Variants in PDE7B observed in about 807,000 individuals in gnomAD.
PDE7B encodes phosphodiesterase 7B.
A neutral mutation model predicts 56.2 loss-of-function variants in PDE7B; 29 were observed. The ratio of observed to expected loss-of-function variants is 0.52; its 90% confidence interval spans 0.38 to 0.70. The LOEUF is 0.70. Ranked by LOEUF, PDE7B falls within the 30% of genes least tolerant of loss-of-function variation. PDE7B has a pLI of 0.00. For synonymous variants in PDE7B, 197 were observed against 196.9 expected (o/e 1.00, Z 0.00); for missense variants, 490 against 565.0 (o/e 0.87, Z 1.35).
chr6:136,024,133 A>G (rs1291464611), intron 2 of PDE7B, among the ~76,000 whole-genome samples: 1 of 152,202 alleles, frequency 6.6e-6, no homozygotes, highest in East Asian at 1.9e-4. Flanking sequence ...TTTAGGGAGA[A>G]ACTAATTGGA....
At chr6:135,880,655 G>T (rs902064773) in intron 1 of PDE7B, among the ~76,000 whole-genome samples, 1 of 152,206 alleles carries the variant, frequency 6.6e-6, no homozygotes, top group African/African-American at 2.4e-5. Flanking sequence ...AAGAAAAAGA[G>T]AATTTGGAGC....
chr6:136,154,649 A>G (rs951337877), intron 7 of PDE7B, among the ~76,000 whole-genome samples: 1 of 152,240 alleles, frequency 6.6e-6, no homozygotes, highest in Non-Finnish European at 1.5e-5. Flanking sequence ...TCAGGGCCCA[A>G]GAAAACTTGT....
intron 1 of PDE7B, among the ~76,000 whole-genome samples, chr6:135,924,520 A>G (rs149904822): frequency 1.7e-3 from 251 of 151,280 alleles, no homozygotes; most frequent in African/African-American, 5.4e-3. Context: ...AACCAAACTC[A>G]GGTCTTCTGG....
chr6:136,123,515 C>T (rs1274124512), intron 3 of PDE7B, among the ~76,000 whole-genome samples: 7 of 152,210 alleles, frequency 4.6e-5, no homozygotes, highest in Admixed American at 3.9e-4. Flanking sequence ...AAGGAAATGT[C>T]TTCAAAGATA....
At chr6:135,878,304 T>G (rs1003295910) in intron 1 of PDE7B, among the ~76,000 whole-genome samples, 3 of 152,168 alleles carry the variant, frequency 2.0e-5, no homozygotes, top group African/African-American at 7.2e-5. Context: ...GTGTTTATAG[T>G]GGGAAAGAGG....
intron 2 of PDE7B, among the ~76,000 whole-genome samples, chr6:136,077,416 T>C (rs1032790113): frequency 1.3e-5 from 2 of 152,160 alleles, no homozygotes; most frequent in African/African-American, 2.4e-5. Context: ...ATGAATGTGA[T>C]TTAACCCTAA....
chr6:135,884,428 T>C (rs1397178532), intron 1 of PDE7B, among the ~76,000 whole-genome samples: 1 of 152,204 alleles, frequency 6.6e-6, no homozygotes, highest in African/African-American at 2.4e-5. Flanking sequence ...TTTGTGCTCT[T>C]TTCAACCAGT....
intron 2 of PDE7B, among the ~76,000 whole-genome samples, chr6:136,053,741 G>T (rs1776676508): frequency 6.6e-6 from 1 of 152,012 alleles, no homozygotes. Flanking sequence ...ACTTTTTAAT[G>T]ATTGCCATTC....
At chr6:135,956,861 AAAG>A (rs1774804945) in intron 2 of PDE7B, among the ~76,000 whole-genome samples, 1 of 151,912 alleles carries the variant, frequency 6.6e-6, no homozygotes, top group Non-Finnish European at 1.5e-5. Context: ...AGAAGAAAAG[AAAG>A]AAAGCAAAGA....
intron 2 of PDE7B, among the ~76,000 whole-genome samples, chr6:136,074,742 T>G (rs1460387234): frequency 6.6e-6 from 1 of 152,232 alleles, no homozygotes; most frequent in Non-Finnish European, 1.5e-5. Context: ...TCCATATTGT[T>G]GCAAATGACT....
intron 1 of PDE7B, among the ~76,000 whole-genome samples, chr6:135,892,706 T>G (rs2128190359): frequency 6.6e-6 from 1 of 152,316 alleles, no homozygotes; most frequent in Non-Finnish European, 1.5e-5. Context: ...GAGTTGTTAC[T>G]TATTATGGGT....
At chr6:135,995,055 T>G (rs1462980557) in intron 2 of PDE7B, among the ~76,000 whole-genome samples, 1 of 152,200 alleles carries the variant, frequency 6.6e-6, no homozygotes, top group East Asian at 1.9e-4. Context: ...TGCTTCTTCA[T>G]GTCCCCTCCC....
chr6:135,903,259 A>T (rs1776037692), intron 1 of PDE7B, among the ~76,000 whole-genome samples: 1 of 152,164 alleles, frequency 6.6e-6, no homozygotes, highest in Non-Finnish European at 1.5e-5. Flanking sequence ...TGTATAAGCA[A>T]AGGTTGTATC....
chr6:135,857,098 CCTCT>C (rs1051509925), intron 1 of PDE7B, among the ~76,000 whole-genome samples: 1 of 136,540 alleles, frequency 7.3e-6, no homozygotes, highest in African/African-American at 2.7e-5. Flanking sequence ...TCCCTCCTTT[CCTCT>C]CTCTCTTTCT....
chr6:136,052,617 G>GCCCCCCCCCCCCCCCCCCCCCCCCCCCC (rs11400308), intron 2 of PDE7B, among the ~76,000 whole-genome samples: 1 of 142,794 alleles, frequency 7.0e-6, no homozygotes, highest in African/African-American at 2.7e-5. Flanking sequence ...TTAGGGTACA[G>GCCCCCCCCCCCCCCCCCCCCCCCCCCCC]CCCCCCCCCA....
intron 2 of PDE7B, among the ~76,000 whole-genome samples, chr6:135,989,018 C>T (rs1340001551): frequency 6.6e-6 from 1 of 152,126 alleles, no homozygotes; most frequent in Non-Finnish European, 1.5e-5. Flanking sequence ...ACACTATAGT[C>T]CACTGTCTCT....
intron 2 of PDE7B, among the ~76,000 whole-genome samples, chr6:136,061,764 A>C (rs1166083491): frequency 2.6e-5 from 4 of 152,196 alleles, no homozygotes; most frequent in Admixed American, 6.5e-5. Flanking sequence ...GAGGGGATAG[A>C]GGGATTACAA....
At chr6:135,971,843 C>G (rs1476797924) in intron 2 of PDE7B, among the ~76,000 whole-genome samples, 1 of 152,090 alleles carries the variant, frequency 6.6e-6, no homozygotes, top group Non-Finnish European at 1.5e-5. Context: ...AGTATGAAAC[C>G]TTATGTAAAT....
At chr6:136,132,294 A>C (rs1778131533) in intron 3 of PDE7B, among the ~76,000 whole-genome samples, 1 of 152,050 alleles carries the variant, frequency 6.6e-6, no homozygotes, top group Admixed American at 6.6e-5. Flanking sequence ...CAAAACTTTA[A>C]ATCCTTTGGG....
Sources: allele counts gnomAD v4.1 joint callset (sites outside exome capture counted in the v4.1 genomes callset), GRCh38; gene constraint gnomAD v4.1.1; transcripts MANE v1.5; gene names NCBI Gene and HGNC (gene_info 2026-07-23, HGNC 2026-07-21).